Variants in KLHL13 observed in about 807,000 individuals in gnomAD.
The protein encoded by KLHL13 is kelch like family member 13.
KLHL13 carries 10 observed loss-of-function variants against 37.1 expected under a neutral mutation model. That is an observed-to-expected ratio of 0.27 (90% CI 0.17 to 0.46). The LOEUF is 0.46. Among genes scored for constraint, KLHL13 ranks in the 20% least tolerant of loss-of-function variants. The probability of loss-of-function intolerance (pLI) is 1.00; values close to 1 mark genes in which losing one functional copy is unlikely to be tolerated. For synonymous variants in KLHL13, 163 were observed against 181.2 expected (o/e 0.90, Z 0.81); for missense variants, 360 against 509.3 (o/e 0.71, Z 2.82).
chrX:118,088,325 A>C (rs2055077884), intron 1 of KLHL13, among the ~76,000 whole-genome samples: 1 of 112,043 alleles, frequency 8.9e-6, no homozygotes, highest in Non-Finnish European at 1.9e-5. Flanking sequence ...TACTGCAATA[A>C]TGTATACGTT....
chrX:118,045,420 T>C lies in KLHL13; in HGVS notation c.-56+71088A>G, dbSNP rs144323733. ...AAAAGAAATGGGCAAACTATCTGAATAGACATTTCTCAAAAGAAGACATAC... is the reference window on the plus strand; with the variant it reads ...AAAAGAAATGGGCAAACTATCTGAACAGACATTTCTCAAAAGAAGACATAC... On this transcript the variant is annotated intron_variant, in intron 1 of 6. Transcript: ENST00000371882. Among the ~76,000 whole-genome samples, 483 of 105,244 alleles carry C rather than the reference T, an allele frequency of 4.6e-3. 1 individual carries two copies. The highest frequency in any genetic ancestry group is 0.016 in the African/African-American group (462 of 28,916). 91.4% of individuals were successfully genotyped at this position (105,244 alleles called of 115,157 possible). A position where few individuals can be genotyped will look rare whatever the true frequency, so the allele number is the denominator to read the frequency against.
intron 2 of KLHL13, among the ~76,000 whole-genome samples, chrX:117,921,352 T>C (rs1038890741): frequency 1.8e-4 from 20 of 112,025 alleles, no homozygotes; most frequent in Admixed American, 1.2e-3. Context: ...AAATATCATG[T>C]TTTACATGAC....
intron 2 of KLHL13, among the ~76,000 whole-genome samples, chrX:117,933,907 C>T (rs1932614440): frequency 9.1e-6 from 1 of 110,117 alleles, no homozygotes; most frequent in Non-Finnish European, 1.9e-5. Context: ...AGAAGAGGTA[C>T]CATCCATTTA....
intron 4 of KLHL13, among the ~76,000 whole-genome samples, chrX:117,910,787 T>G (rs1489936808): frequency 9.0e-6 from 1 of 111,552 alleles, no homozygotes; most frequent in African/African-American, 3.3e-5. Flanking sequence ...AAATGAGATT[T>G]TGGTATCTGT....
intron 1 of KLHL13, among the ~76,000 whole-genome samples, chrX:118,024,376 C>A (rs1008875805): frequency 5.4e-5 from 6 of 111,206 alleles, no homozygotes; most frequent in Admixed American, 4.8e-4. Context: ...CAAAAAGCAC[C>A]AAGCATAACA....
intron 1 of KLHL13, among the ~76,000 whole-genome samples, chrX:118,011,024 G>A (rs1327417246): frequency 5.4e-5 from 6 of 110,365 alleles, no homozygotes; most frequent in Admixed American, 9.7e-5. Context: ...AGTGAGCCAT[G>A]ATTGCACCAC....
intron 1 of KLHL13, among the ~76,000 whole-genome samples, chrX:118,074,241 C>T (rs1183928161): frequency 9.0e-6 from 1 of 111,701 alleles, no homozygotes; most frequent in Non-Finnish European, 1.9e-5. Flanking sequence ...AAGTAAAACC[C>T]TCAACCATAA....
At chrX:118,070,502 G>A (rs2054846409) in intron 1 of KLHL13, among the ~76,000 whole-genome samples, 1 of 111,513 alleles carries the variant, frequency 9.0e-6, no homozygotes, top group South Asian at 3.7e-4. Context: ...CTTGTTTGAT[G>A]GCCTAGTATA....
chrX:117,929,929 TC>T (rs1329103665), intron 2 of KLHL13, among the ~76,000 whole-genome samples: 2 of 108,868 alleles, frequency 1.8e-5, no homozygotes, highest in African/African-American at 6.7e-5. Flanking sequence ...GCAACTGCAC[TC>T]CAGTCTGGGT....
intron 1 of KLHL13, among the ~76,000 whole-genome samples, chrX:118,071,144 C>T (rs182558807): frequency 8.9e-6 from 1 of 111,950 alleles, no homozygotes; most frequent in Non-Finnish European, 1.9e-5. Flanking sequence ...ATTCTCTTAA[C>T]CCAGTCTATC....
At chrX:118,092,620 T>C (rs1055944429) in intron 1 of KLHL13, among the ~76,000 whole-genome samples, 4 of 111,943 alleles carry the variant, frequency 3.6e-5, no homozygotes, top group African/African-American at 1.3e-4. Context: ...AGAAAGAACA[T>C]GGTAAGCAAA....
chrX:117,920,846 G>A (rs907289824), intron 2 of KLHL13, among the ~76,000 whole-genome samples: 1 of 111,364 alleles, frequency 9.0e-6, no homozygotes, highest in Non-Finnish European at 1.9e-5. Context: ...TTAAGTACAC[G>A]ATAGTTCTTT....
At chrX:118,097,952 G>A (rs1205479199) in intron 1 of KLHL13, among the ~76,000 whole-genome samples, 5 of 111,466 alleles carry the variant, frequency 4.5e-5, no homozygotes, top group Non-Finnish European at 9.4e-5. Flanking sequence ...AGACTTAAAC[G>A]TTAGACCTAA....
chrX:118,084,825 G>C (rs1231622571), intron 1 of KLHL13, among the ~76,000 whole-genome samples: 1 of 110,879 alleles, frequency 9.0e-6, no homozygotes, highest in Non-Finnish European at 1.9e-5. Flanking sequence ...CCAGGAGTTT[G>C]AGACCAGCCT....
At chrX:117,991,603 T>C (rs767780352) in intron 1 of KLHL13, among the ~76,000 whole-genome samples, 1 of 110,972 alleles carries the variant, frequency 9.0e-6, no homozygotes, top group East Asian at 2.8e-4. Context: ...TTCAACCCTA[T>C]TTCCCATTAC....
chrX:118,102,987 T>C (rs978792959), intron 1 of KLHL13, among the ~76,000 whole-genome samples: 10 of 112,331 alleles, frequency 8.9e-5, no homozygotes, highest in African/African-American at 2.6e-4. Flanking sequence ...GACCCTCTTA[T>C]ATCAGACCAA....
intron 5 of KLHL13, among the ~76,000 whole-genome samples, chrX:117,903,157 CAG>C (rs1195961322): frequency 6.6e-4 from 66 of 99,994 alleles, no homozygotes; most frequent in African/African-American, 1.4e-3. Context: ...CACACACACA[CAG>C]AGAGAGAGAG....
intron 1 of KLHL13, among the ~76,000 whole-genome samples, chrX:117,959,278 A>T (rs1416094366): frequency 3.6e-5 from 4 of 112,221 alleles, no homozygotes; most frequent in Non-Finnish European, 7.5e-5. Flanking sequence ...ATCGTAACGA[A>T]TGAGAAAATC....
chrX:117,963,522 A>C (rs1434615524), intron 1 of KLHL13, among the ~76,000 whole-genome samples: 2 of 109,831 alleles, frequency 1.8e-5, no homozygotes, highest in Non-Finnish European at 3.8e-5. Context: ...GTGCCGCAAT[A>C]AACATACGTG....
Sources: gnomAD v4.1 joint callset for allele counts (sites outside exome capture counted in the v4.1 genomes callset) on GRCh38, gnomAD v4.1.1 for gene constraint, MANE v1.5 for transcripts, NCBI Gene and HGNC (gene_info 2026-07-23, HGNC 2026-07-21) for gene names.